Variants in PTPRD observed in about 807,000 individuals in gnomAD.
PTPRD encodes receptor-type tyrosine-protein phosphatase delta.
In PTPRD, 34 loss-of-function variants were observed where a neutral mutation model predicts 214.5. That is an observed-to-expected ratio of 0.16 (90% CI 0.12 to 0.21). PTPRD has a LOEUF of 0.21. Among genes scored for constraint, PTPRD ranks in the 10% least tolerant of loss-of-function variants. The pLI, the probability that PTPRD is intolerant of heterozygous loss-of-function variation, is 1.00. For missense variants in PTPRD, 2,545 were observed against 2,398.7 expected, an observed-to-expected ratio of 1.06 and a Z score of -1.27; for synonymous variants, 1,128 against 845.7, an observed-to-expected ratio of 1.33 and a Z score of -5.79.
intron 5 of PTPRD, among the ~76,000 whole-genome samples, chr9:9,838,233 G>A (rs2057364858): frequency 6.6e-6 from 1 of 152,158 alleles, no homozygotes; most frequent in Non-Finnish European, 1.5e-5. Flanking sequence ...AAACATAGGT[G>A]TGCATGTGTC....
intron 11 of PTPRD, among the ~76,000 whole-genome samples, chr9:8,972,781 C>T (rs574711522): frequency 1.2e-4 from 18 of 151,936 alleles, no homozygotes; most frequent in African/African-American, 4.3e-4. Flanking sequence ...TTCCCAAGAA[C>T]ATTTAATGAA....
At chr9:10,161,891 T>C (rs1046177753) in intron 3 of PTPRD, among the ~76,000 whole-genome samples, 2 of 151,702 alleles carry the variant, frequency 1.3e-5, no homozygotes, top group Non-Finnish European at 3.0e-5. Context: ...AGATCCTAAA[T>C]GACATTTCTC....
At chr9:10,493,847 C>T (rs1441399182) in intron 2 of PTPRD, among the ~76,000 whole-genome samples, 1 of 151,930 alleles carries the variant, frequency 6.6e-6, no homozygotes, top group African/African-American at 2.4e-5. Context: ...CACCTTTTAC[C>T]TAGAATACTA....
At chr9:9,324,152 G>A (rs1012459027) in intron 9 of PTPRD, among the ~76,000 whole-genome samples, 6 of 152,102 alleles carry the variant, frequency 3.9e-5, no homozygotes, top group South Asian at 2.1e-4. Flanking sequence ...ATAAACATAC[G>A]TGTGCATGTG....
At chr9:9,177,838 T>G (rs1054846675) in intron 10 of PTPRD, among the ~76,000 whole-genome samples, 1 of 152,136 alleles carries the variant, frequency 6.6e-6, no homozygotes, top group African/African-American at 2.4e-5. Context: ...AAAGACTGAG[T>G]TAATTTTAAA....
At position 8,712,075 on chromosome 9, in the gene PTPRD, T is replaced by G. The variant is rs556107271; in HGVS notation, c.64+21705A>C. 3.3e-5 allele frequency among the ~76,000 whole-genome samples: 5 copies of G among 152,086 alleles called. No homozygotes were observed. In the South Asian group the frequency reaches 6.2e-4, roughly 19 times the overall value. On this transcript the variant is annotated intron_variant, in intron 12 of 45. Transcript: ENST00000381196. The stretch of plus-strand genomic sequence containing the variant: ...TCATACAACAGTACAACACAAAGAG[T>G]GGATTTTACTCTATATAAATTTTTT...
At chr9:9,450,108 G>GTA (rs551744713) in intron 8 of PTPRD, among the ~76,000 whole-genome samples, 1 of 77,166 alleles carries the variant, frequency 1.3e-5, no homozygotes, top group African/African-American at 4.4e-5. Flanking sequence ...GTGTGTGTGT[G>GTA]TGTGTGTGTG....
chr9:10,530,753 A>G (rs2056003178), intron 2 of PTPRD, among the ~76,000 whole-genome samples: 1 of 152,216 alleles, frequency 6.6e-6, no homozygotes, highest in Non-Finnish European at 1.5e-5. Context: ...ACAGTGAACT[A>G]TAATGTATTG....
At chr9:10,090,405 G>A (rs2098414894) in intron 3 of PTPRD, among the ~76,000 whole-genome samples, 1 of 151,292 alleles carries the variant, frequency 6.6e-6, no homozygotes, top group African/African-American at 2.4e-5. Context: ...TGCAGTGAGG[G>A]ACGTATATTG....
chr9:9,537,750 A>T (rs891306256), intron 8 of PTPRD, among the ~76,000 whole-genome samples: 1 of 151,956 alleles, frequency 6.6e-6, no homozygotes, highest in Non-Finnish European at 1.5e-5. Context: ...TCTGCAGCTT[A>T]AAAGTAACTG....
chr9:8,894,086 G>A (rs917253930), intron 11 of PTPRD, among the ~76,000 whole-genome samples: 3 of 152,248 alleles, frequency 2.0e-5, no homozygotes, highest in South Asian at 2.1e-4. Context: ...AGGTGCGGTG[G>A]CTCATGCCTG....
intron 5 of PTPRD, among the ~76,000 whole-genome samples, chr9:9,905,793 G>C (rs768315896): frequency 2.9e-4 from 44 of 152,038 alleles, no homozygotes; most frequent in East Asian, 3.9e-4. Context: ...CATTACTATA[G>C]TCAGGAAAAA....
intron 3 of PTPRD, among the ~76,000 whole-genome samples, chr9:10,165,918 G>C (rs760163610): frequency 2.0e-5 from 3 of 150,528 alleles, no homozygotes; most frequent in Non-Finnish European, 4.5e-5. Context: ...TCAATATATA[G>C]ATCTATGCAG....
intron 5 of PTPRD, among the ~76,000 whole-genome samples, chr9:9,825,076 G>A (rs766056545): frequency 2.6e-5 from 4 of 151,776 alleles, no homozygotes; most frequent in Non-Finnish European, 5.9e-5. Flanking sequence ...TTAATGTCTA[G>A]TTTCAAATGT....
chr9:9,000,276 G>C (rs1193692958), intron 11 of PTPRD, among the ~76,000 whole-genome samples: 1 of 151,928 alleles, frequency 6.6e-6, no homozygotes, highest in Non-Finnish European at 1.5e-5. Flanking sequence ...CTTTAATTAG[G>C]TAATCTCCAA....
chr9:9,386,875 G>T (rs938312882), intron 9 of PTPRD, among the ~76,000 whole-genome samples: 2 of 152,098 alleles, frequency 1.3e-5, no homozygotes, highest in Non-Finnish European at 2.9e-5. Context: ...TCCATCTCAG[G>T]CTCCTGAGCC....
chr9:8,881,747 G>A (rs935753745), intron 11 of PTPRD, among the ~76,000 whole-genome samples: 1 of 152,176 alleles, frequency 6.6e-6, no homozygotes, highest in Non-Finnish European at 1.5e-5. Flanking sequence ...AGAAGCAGCG[G>A]AGAAAAAGAA....
intron 5 of PTPRD, among the ~76,000 whole-genome samples, chr9:9,874,468 C>T (rs1008864067): frequency 1.3e-5 from 2 of 152,018 alleles, no homozygotes; most frequent in African/African-American, 2.4e-5. Flanking sequence ...CTGGTGGAAA[C>T]AGGAAGTTAA....
intron 9 of PTPRD, among the ~76,000 whole-genome samples, chr9:9,396,790 A>G (rs1436805420): frequency 6.6e-6 from 1 of 152,044 alleles, no homozygotes; most frequent in African/African-American, 2.4e-5. Context: ...ATGAGTAACA[A>G]TTTTATGTAG....
Sources: gnomAD v4.1 joint callset for allele counts (sites outside exome capture counted in the v4.1 genomes callset) on GRCh38, gnomAD v4.1.1 for gene constraint, MANE v1.5 for transcripts, NCBI Gene and HGNC (gene_info 2026-07-23, HGNC 2026-07-21) for gene names.